Variants in TRPM2 observed in about 807,000 individuals in gnomAD.
TRPM2 encodes estrogen-responsive element-associated gene 1 protein.
Under a neutral mutation model 174.0 loss-of-function variants are expected in TRPM2, and 161 were observed. That is an observed-to-expected ratio of 0.93 (90% CI 0.81 to 1.05). The LOEUF is 1.05. Among genes scored for constraint, TRPM2 ranks in the 50% least tolerant of loss-of-function variants. The probability of loss-of-function intolerance (pLI) is 0.00; values close to 1 mark genes in which losing one functional copy is unlikely to be tolerated. For missense variants in TRPM2, 2,057 were observed against 2,038.0 expected (o/e 1.01, Z -0.18); for synonymous variants, 954 against 861.3 (o/e 1.11, Z -1.88).
intron 19 of TRPM2, among the ~76,000 whole-genome samples, chr21:44,408,363 G>C (rs572824355): frequency 6.6e-6 from 1 of 152,132 alleles, no homozygotes; most frequent in African/African-American, 2.4e-5. Context: ...GCTCATATGG[G>C]AACTCCATGT....
chr21:44,406,233 C>G (rs45579431), intron 18 of TRPM2, among the ~76,000 whole-genome samples, 196 bp downstream of exon 18: 4,578 of 152,170 alleles, frequency 0.03, 238 homozygotes, highest in African/African-American at 0.1. Flanking sequence ...AGGAAGCCTT[C>G]CCTCATTCTC....
At chr21:44,386,030 CA>C (rs1356915280) in intron 9 of TRPM2, among the ~76,000 whole-genome samples, 1 of 152,168 alleles carries the variant, frequency 6.6e-6, no homozygotes, top group Non-Finnish European at 1.5e-5. Context: ...GATTCTACAA[CA>C]TACCCCTGAA....
chr21:44,426,855 C>T, intron 26 of TRPM2, 119 bp downstream of exon 26: 1 of 1,396,284 alleles, frequency 7.2e-7, no homozygotes, highest in Non-Finnish European at 1.0e-6. Context: ...CAGGAGGGGC[C>T]CGTGGGGGCC....
Position 44,405,821 on chromosome 21 carries a change from A to C in TRPM2, c.2658-84A>C, listed in dbSNP as rs1010257482. On this transcript the variant is annotated intron_variant, in intron 17 of 31. Transcript: ENST00000397928. ...GCCTCCAGGGCCCACCTGGGCTAGGACAGGTGGAGGGGCGACGGGGGACAG... is the reference window on the plus strand; with the variant it reads ...GCCTCCAGGGCCCACCTGGGCTAGGCCAGGTGGAGGGGCGACGGGGGACAG... The C allele has an allele frequency of 5.3e-6, 8 of 1,521,962 alleles. No homozygotes were observed. In the African/African-American group the frequency reaches 1.1e-4, roughly 21 times the overall value. The allele number at this position is 1,521,962 out of a possible 1,614,324, so 94.3% of individuals were successfully genotyped here. A position where few individuals can be genotyped will look rare whatever the true frequency, so the allele number is the denominator to read the frequency against.
intron 19 of TRPM2, among the ~76,000 whole-genome samples, chr21:44,407,341 A>G (rs1475910895): frequency 6.8e-6 from 1 of 147,602 alleles, no homozygotes; most frequent in Non-Finnish European, 1.5e-5. Flanking sequence ...GGCCCAGGCT[A>G]GTATCGAACT....
At chr21:44,359,339 A>G (rs1171957917) in intron 2 of TRPM2, among the ~76,000 whole-genome samples, 1 of 152,080 alleles carries the variant, frequency 6.6e-6, no homozygotes, top group Non-Finnish European at 1.5e-5. Context: ...ACCTCTCAAC[A>G]TCAGGTGCTC....
intron 9 of TRPM2, among the ~76,000 whole-genome samples, chr21:44,385,217 C>T (rs1199864669): frequency 2.0e-5 from 3 of 152,092 alleles, no homozygotes; most frequent in Non-Finnish European, 4.4e-5. Context: ...AAATTTGACA[C>T]CCTTTCATGG....
At chr21:44,360,658 C>T (rs753973987) in intron 2 of TRPM2, among the ~76,000 whole-genome samples, 10 of 151,514 alleles carry the variant, frequency 6.6e-5, no homozygotes, top group South Asian at 2.1e-4. Context: ...TCTCCGCCTC[C>T]TGGGTTCAAG....
At chr21:44,429,501 G>T in intron 27 of TRPM2, among the ~76,000 whole-genome samples, 1 of 151,524 alleles carries the variant, frequency 6.6e-6, no homozygotes. Context: ...TGGCCAGGCT[G>T]GTCTTGAATT....
intron 22 of TRPM2, chr21:44,422,360 C>A: frequency 6.5e-7 from 1 of 1,536,006 alleles, no homozygotes; most frequent in Non-Finnish European, 8.7e-7. Flanking sequence ...CACGCGGGTC[C>A]GAGAAGGCTC....
At chr21:44,425,403 C>T (rs543084016) in intron 24 of TRPM2, 9 of 436,900 alleles carry the variant, frequency 2.1e-5, no homozygotes, top group South Asian at 1.3e-4. Flanking sequence ...AACCGCACTG[C>T]GAGTTCAGCT....
intron 7 of TRPM2, among the ~76,000 whole-genome samples, chr21:44,378,247 C>T (rs1023724358): frequency 2.6e-5 from 4 of 152,246 alleles, no homozygotes; most frequent in African/African-American, 4.8e-5. Context: ...CCTTCCTTCC[C>T]GACCCTAACC....
At chr21:44,407,375 C>T (rs2146305862) in intron 19 of TRPM2, among the ~76,000 whole-genome samples, 1 of 149,590 alleles carries the variant, frequency 6.7e-6, no homozygotes, top group East Asian at 2.0e-4. Context: ...GATCCACCCC[C>T]TTGGCCTCCC....
In TRPM2 at chr21:44,425,816, G is replaced by A. The variant is rs150071509; in HGVS notation, c.3784G>A (p.Val1262Met). 2,486 of 1,575,156 alleles carry A rather than the reference G, an allele frequency of 1.6e-3. 4 individuals carry two copies. Among genetic ancestry groups the A allele is most frequent in the Non-Finnish European group, 2.0e-3 (2,257 of 1,152,208 alleles). The change falls in exon 25 of 32, where the codon GTG becomes ATG. Residue 1262 changes from valine (V) to methionine (M), a missense_variant. Physicochemically the swap from Val to Met is conservative, Grantham distance 21. Coordinates refer to ENST00000397928, the MANE Select transcript of TRPM2 (RefSeq NM_003307.4). ...GCGCTTCCCCGTGCCCAACGAGAAGGTGCCCTGGGAGGTGAGCGCCTGCCC... is the reference window on the plus strand; with the variant it reads ...GCGCTTCCCCGTGCCCAACGAGAAGATGCCCTGGGAGGTGAGCGCCTGCCC... ...VTRFPVPNEK[V>M]PWETEFLIYD...
At chr21:44,357,550 A>G (rs1026065560) in intron 2 of TRPM2, among the ~76,000 whole-genome samples, 1 of 152,160 alleles carries the variant, frequency 6.6e-6, no homozygotes, top group Non-Finnish European at 1.5e-5. Context: ...GGCGCCATGC[A>G]TGCTCCTTCC....
rs1185001047 is a variant in TRPM2, at chr21:44,353,818, C to A, written c.118C>A (p.Leu40Ile). Reference protein sequence around the residue: ...VSNLRRSNSSLFKSWRLQCPF... With the variant: ...VSNLRRSNSSIFKSWRLQCPF... Reference sequence around the variant, plus strand: ...CAATCTCCGGCGCAGCAACAGCAGCCTCTTCAAGAGCTGGAGGCTACAGTG... The same window carrying A: ...CAATCTCCGGCGCAGCAACAGCAGCATCTTCAAGAGCTGGAGGCTACAGTG... The change falls in exon 1 of 32, where the codon CTC becomes ATC. Residue 40 changes from leucine to isoleucine, a missense_variant. Leu to Ile is a conservative substitution (Grantham distance 5). Coordinates refer to ENST00000397928, the MANE Select transcript of TRPM2 (RefSeq NM_003307.4). The A allele has an allele frequency of 1.9e-6, 3 of 1,600,724 alleles. No homozygotes were observed. Among genetic ancestry groups the A allele is most frequent in the Non-Finnish European group, 2.6e-6 (3 of 1,174,366 alleles).
chr21:44,440,779 G>C lies in TRPM2; in HGVS notation c.4270-10G>C. The stretch of plus-strand genomic sequence containing the variant: ...CTCGCTGTCGGGCTTACCCTGCCCT[G>C]CCCATCCAGGTGTACAAAGGCTACA... On this transcript the variant is annotated splice_polypyrimidine_tract_variant and intron_variant, in intron 30 of 31. Coordinates refer to ENST00000397928, the MANE Select transcript of TRPM2 (RefSeq NM_003307.4). The C allele has an allele frequency of 6.2e-7, 1 of 1,612,434 alleles. No homozygotes were observed. The highest frequency in any genetic ancestry group is 8.5e-7 in the Non-Finnish European group (1 of 1,178,974).
At position 44,400,261 on chromosome 21, in the gene TRPM2, C is replaced by A. The variant is rs577132341; in HGVS notation, c.2211C>A (p.Ala737=). 1.1e-5 allele frequency: 18 copies of A among 1,612,094 alleles called. No homozygotes were observed. The East Asian group carries it at 3.6e-4, about 32-fold the overall frequency. ...MKFVSHGGIQ[A]FLTKVWWGQL... Reference sequence around the variant, plus strand: ...CCTGAGACTGCCCCCATCCGCAGGCCTTCCTGACCAAGGTGTGGTGGGGCC... The same window carrying A: ...CCTGAGACTGCCCCCATCCGCAGGCATTCCTGACCAAGGTGTGGTGGGGCC... Residue 737 remains alanine (A), a splice_region_variant and synonymous_variant, in exon 15 of 32, where the codon GCC becomes GCA. Transcript: ENST00000397928.
In TRPM2 at chr21:44,426,713, G is replaced by A. The variant is rs201800818; in HGVS notation, c.3849G>A (p.Ala1283=). 9.4e-5 allele frequency: 151 copies of A among 1,614,070 alleles called. 1 individual carries two copies. In the African/African-American group the frequency reaches 1.6e-3, roughly 18 times the overall value. Residue 1283 remains alanine, a synonymous_variant, in exon 26 of 32, where the codon GCG becomes GCA. Coordinates refer to ENST00000397928, the MANE Select transcript of TRPM2 (RefSeq NM_003307.4). ...PPFYTAERKD[A]AAMDPMGDTL... Reference sequence around the variant, plus strand: ...TTTACACGGCAGAGAGGAAGGACGCGGCCGCCATGGACCCCATGGGAGAGT... The same window carrying A: ...TTTACACGGCAGAGAGGAAGGACGCAGCCGCCATGGACCCCATGGGAGAGT...
Sources: allele counts gnomAD v4.1 joint callset (sites outside exome capture counted in the v4.1 genomes callset), GRCh38; gene constraint gnomAD v4.1.1; transcripts MANE v1.5; gene names NCBI Gene and HGNC (gene_info 2026-07-23, HGNC 2026-07-21).